The following ITPR3 variants were observed in gnomAD, a reference collection of about 807,000 sequenced individuals.
ITPR3 encodes inositol 1,4,5-trisphosphate-gated calcium channel ITPR3.
A neutral mutation model predicts 293.2 loss-of-function variants in ITPR3; 173 were observed. That is an observed-to-expected ratio of 0.59 (90% CI 0.52 to 0.67). The LOEUF (loss-of-function observed/expected upper bound fraction) is 0.67, where lower values mean the gene tolerates loss of function less well. Among genes scored for constraint, ITPR3 ranks in the 30% least tolerant of loss-of-function variants. The probability of loss-of-function intolerance (pLI) is 0.00; values close to 1 mark genes in which losing one functional copy is unlikely to be tolerated. For missense variants in ITPR3, 2,796 were observed against 3,592.1 expected, an observed-to-expected ratio of 0.78 and a Z score of 5.66; for synonymous variants, 1,295 against 1,444.4, an observed-to-expected ratio of 0.90 and a Z score of 2.35.
rs2127262702 is a variant in ITPR3, at chr6:33,658,843, A to G, written c.528+15A>G. On this transcript the variant is annotated intron_variant, in intron 5 of 57. Coordinates refer to ENST00000605930, the MANE Select transcript of ITPR3 (RefSeq NM_002224.4). This position sits in a 1 kb window ranked among gnomAD's most constrained non-coding sequence, Gnocchi z 6.1. ...ACGGGGACAACGTGAGGGCAGGGCCAGGGTTGGAGGGGCCTGGTGGAACTC... is the reference window on the plus strand; with the variant it reads ...ACGGGGACAACGTGAGGGCAGGGCCGGGGTTGGAGGGGCCTGGTGGAACTC... 6.2e-7 allele frequency: 1 copy of G among 1,613,436 alleles called. No homozygotes were observed. The highest frequency in any genetic ancestry group is 8.5e-7 in the Non-Finnish European group (1 of 1,179,612).
At position 33,666,406 on chromosome 6, in the gene ITPR3, C is replaced by T. The variant is rs1055665264; in HGVS notation, c.1551+430C>T. ...GTTTTGCTGCCTTGGCTTTATGTAG[C>T]TCGGTTCACACATCCGTCTTTCCAT... On this transcript the variant is annotated intron_variant, in intron 14 of 57. Transcript: ENST00000605930. This position sits in a 1 kb window ranked among gnomAD's most constrained non-coding sequence, Gnocchi z 5.1. Among the ~76,000 whole-genome samples the T allele has an allele frequency of 6.6e-6, 1 of 152,040 alleles. No individual in the cohort carries two copies. Among genetic ancestry groups the T allele is most frequent in the African/African-American group, 2.4e-5 (1 of 41,316 alleles).
chr6:33,658,551 C>CT lies in ITPR3; in HGVS notation c.370-118dup. 8.2e-7 allele frequency: 1 copy of CT among 1,213,324 alleles called. No homozygotes were observed. Among genetic ancestry groups the CT allele is most frequent in the Admixed American group, 2.1e-5 (1 of 47,066 alleles). The allele number at this position is 1,213,324 out of a possible 1,614,324, so 75.2% of individuals were successfully genotyped here. On this transcript the variant is annotated intron_variant, in intron 4 of 57. Transcript: ENST00000605930. The surrounding 1 kb of genome is among the most constrained non-coding windows in gnomAD (Gnocchi z 6.1). ...CAGCCTGTATGTTTGTGACAGGTGT[C>CT]TGACACTATGTGTGCAGCCAGAATG...
chr6:33,674,198 C>T lies in ITPR3; in HGVS notation c.3059-10C>T, dbSNP rs778515633. ...CTACAATCTGCTTCCATCTGCCCCT[C>T]TCCCCACAGCTGCCAACATGAACCT... On this transcript the variant is annotated splice_polypyrimidine_tract_variant and intron_variant, in intron 23 of 57. Transcript: ENST00000605930. The T allele has an allele frequency of 1.9e-6, 3 of 1,614,050 alleles. No homozygotes were observed. Among genetic ancestry groups the T allele is most frequent in the Non-Finnish European group, 2.5e-6 (3 of 1,179,968 alleles).
chr6:33,662,035 G>A (rs1167274730), intron 7 of ITPR3, among the ~76,000 whole-genome samples: 1 of 141,566 alleles, frequency 7.1e-6, no homozygotes, highest in African/African-American at 2.7e-5. Flanking sequence ...TCCAAACGTG[G>A]TATCTCTGTC....
rs760282940 is a variant in ITPR3 at position 33,687,289 on chromosome 6, C to T, written c.6139C>T (p.Arg2047Cys). The change falls in exon 45 of 58, where the codon CGT becomes TGT. Residue 2047 changes from arginine to cysteine, a missense_variant. By Grantham distance (180) the Arg-to-Cys change is radical. This residue lies in a region of ITPR3 where 704 missense variants were observed against 797.5 expected (regional missense o/e 0.88). Transcript: ENST00000605930. This position sits in a 1 kb window ranked among gnomAD's most constrained non-coding sequence, Gnocchi z 5.3. ...GCGTGAGAACTCGGAGGTGAGCCCACGTGAAGTGGGCCATAACATCTATAT... is the reference window on the plus strand; with the variant it reads ...GCGTGAGAACTCGGAGGTGAGCCCATGTGAAGTGGGCCATAACATCTATAT... ...EERENSEVSPREVGHNIYILA... is the reference protein window; with the variant it reads ...EERENSEVSPCEVGHNIYILA... The T allele has an allele frequency of 8.7e-6, 14 of 1,613,116 alleles. No individual in the cohort carries two copies. The highest frequency in any genetic ancestry group is 6.7e-5 in the East Asian group (3 of 44,850).
At chr6:33,640,684 C>G in intron 2 of ITPR3, 130 bp downstream of exon 2, 3 of 700,436 alleles carry the variant, frequency 4.3e-6, no homozygotes, top group African/African-American at 1.8e-5. Context: ...AGACCTCACT[C>G]TGCTGTCGGC....
rs989392711 is a variant in ITPR3, at chr6:33,638,824, A to G, written c.90-1660A>G. ...CACTGCCAGGACCAGGTGCCGGAACATGAAGGAGGGAGGCCCACAGGGGCT... is the reference window on the plus strand; with the variant it reads ...CACTGCCAGGACCAGGTGCCGGAACGTGAAGGAGGGAGGCCCACAGGGGCT... On this transcript the variant is annotated intron_variant, in intron 1 of 57. Transcript: ENST00000605930. This position sits in a 1 kb window ranked among gnomAD's most constrained non-coding sequence, Gnocchi z 4.3. 1.3e-5 allele frequency among the ~76,000 whole-genome samples: 2 copies of G among 152,240 alleles called. No individual in the cohort carries two copies. Among genetic ancestry groups the G allele is most frequent in the African/African-American group, 2.4e-5 (1 of 41,468 alleles).
chr6:33,636,919 C>T lies in ITPR3; in HGVS notation c.90-3565C>T, dbSNP rs148351210. ...GAAAAGGAGACAGAGGACCCTCTGC[C>T]GTCCCGTCATTCTGCAGTCCTGCAC... On this transcript the variant is annotated intron_variant, in intron 1 of 57. Transcript: ENST00000605930. 7.9e-3 allele frequency among the ~76,000 whole-genome samples: 1,196 copies of T among 152,268 alleles called. 7 individuals are homozygous for T. Among genetic ancestry groups the T allele is most frequent in the Non-Finnish European group, 0.012 (841 of 68,028 alleles).
Position 33,675,744 on chromosome 6 carries a change from G to C in ITPR3, c.3170G>C (p.Arg1057Pro). The change falls in exon 25 of 58, where the codon CGC becomes CCC. Residue 1057 changes from arginine to proline, a missense_variant. Physicochemically the swap from Arg to Pro is moderately radical, Grantham distance 103 (BLOSUM62 -2). Coordinates refer to ENST00000605930, the MANE Select transcript of ITPR3 (RefSeq NM_002224.4). The surrounding 1 kb of genome is among the most constrained non-coding windows in gnomAD (Gnocchi z 5.0). ...VDDEGGRMFL[R>P]VLIHLTMHDY... ...GACGAGGGCGGCCGCATGTTCCTGC[G>C]CGTGCTCATCCACCTCACCATGCAC... is the stretch of plus-strand genomic sequence containing the variant. 1 of 1,612,994 alleles carries C rather than the reference G, an allele frequency of 6.2e-7. No individual in the cohort carries two copies. Among genetic ancestry groups the C allele is most frequent in the Non-Finnish European group, 8.5e-7 (1 of 1,179,816 alleles).
intron 16 of ITPR3, 75 bp downstream of exon 16, chr6:33,668,039 G>T (rs1764660063): frequency 3.9e-6 from 6 of 1,519,626 alleles, no homozygotes; most frequent in Non-Finnish European, 5.4e-6. Flanking sequence ...TCTGCTGGTT[G>T]TGTGAACTAT....
Position 33,693,550 on chromosome 6 carries a change from G to C in ITPR3, c.7630G>C (p.Glu2544Gln). 6.2e-7 allele frequency: 1 copy of C among 1,614,064 alleles called. No individual in the cohort carries two copies. The highest frequency in any genetic ancestry group is 8.5e-7 in the Non-Finnish European group (1 of 1,179,982). Residue 2544 changes from glutamate (E) to glutamine (Q), a missense_variant, in exon 56 of 58, where the codon GAG becomes CAG. Around this residue, in one of 8 missense-constraint regions of ITPR3, gnomAD observed 568 missense variants for 796.1 expected, o/e 0.71. Transcript: ENST00000605930. ...CCCGCCCTCTGCACCCTCAGGTCTG[G>C]AGAGGGACAAGTTTGATAACAAGAC... ...LKTTCFICGL[E>Q]RDKFDNKTVS...
rs1239934268 is a variant in ITPR3 at position 33,690,913 on chromosome 6, G to A, written c.7033-4G>A. On this transcript the variant is annotated splice_polypyrimidine_tract_variant and splice_region_variant and intron_variant, in intron 51 of 57. Coordinates refer to ENST00000605930, the MANE Select transcript of ITPR3 (RefSeq NM_002224.4). ...GCCATCCCTATCTCAACCCCATCCT[G>A]CAGCTCTTTGACCTCATCTACCGCG... is the stretch of plus-strand genomic sequence containing the variant. The A allele has an allele frequency of 6.2e-7, 1 of 1,613,506 alleles. No homozygotes were observed. The highest frequency in any genetic ancestry group is 8.5e-7 in the Non-Finnish European group (1 of 1,179,592).
intron 2 of ITPR3, among the ~76,000 whole-genome samples, chr6:33,652,371 C>T (rs1394259031): frequency 6.6e-6 from 1 of 152,188 alleles, no homozygotes; most frequent in East Asian, 1.9e-4. Flanking sequence ...CTTAACCAGG[C>T]CCTGCCAGCC....
chr6:33,650,774 G>A (rs1302357148), intron 2 of ITPR3, among the ~76,000 whole-genome samples: 4 of 148,274 alleles, frequency 2.7e-5, no homozygotes, highest in Non-Finnish European at 4.5e-5. Context: ...ATCGTTTTCT[G>A]TTCTCTGCAG....
chr6:33,641,203 T>C (rs1763942601), intron 2 of ITPR3, among the ~76,000 whole-genome samples: 1 of 152,222 alleles, frequency 6.6e-6, no homozygotes. Flanking sequence ...ATATCCTGGC[T>C]GTCATTATGC....
At position 33,690,958 on chromosome 6, in the gene ITPR3, CATCAAGAGTGTGACCCGCAA is replaced by C. The variant is rs1375229311; in HGVS notation, c.7075_7094del (p.Ile2359TrpfsTer29). On this transcript the variant is annotated frameshift_variant, in exon 52 of 58. Transcript: ENST00000605930. LOFTEE classifies it high-confidence loss of function. ...ACCGCGAGGAGACGCTGTTCAACGT[CATCAAGAGTGTGACCCGCAA>C]TGGCCGCTCCATCCTGCTGACAGCC... The C allele has an allele frequency of 3.7e-6, 6 of 1,614,224 alleles. No individual in the cohort carries two copies. The highest frequency in any genetic ancestry group is 5.1e-6 in the Non-Finnish European group (6 of 1,180,036).
rs375990753 is a variant in ITPR3 at position 33,667,297 on chromosome 6, C to T, written c.1713+7C>T. 3.0e-4 allele frequency: 483 copies of T among 1,610,552 alleles called. 1 individual carries two copies. Among genetic ancestry groups the T allele is most frequent in the Admixed American group, 2.9e-3 (176 of 59,858 alleles). On this transcript the variant is annotated splice_region_variant and intron_variant, in intron 15 of 57. Transcript: ENST00000605930. This position sits in a 1 kb window ranked among gnomAD's most constrained non-coding sequence, Gnocchi z 4.4. Reference sequence around the variant, plus strand: ...GGACTACCGCAAGAACCAGGTGCGCCGCTGCCCTGCTGGCCCACTCGCTGG... The same window carrying T: ...GGACTACCGCAAGAACCAGGTGCGCTGCTGCCCTGCTGGCCCACTCGCTGG...
At chr6:33,663,356 C>G (rs974768468) in intron 9 of ITPR3, 144 bp from the exon 10 acceptor site, 1 of 764,426 alleles carries the variant, frequency 1.3e-6, no homozygotes, top group Admixed American at 2.1e-5. Flanking sequence ...GAAGGGCTCC[C>G]CTGGAATGAT....
rs35118351 is a variant in ITPR3, at chr6:33,691,238, TG to T, written c.7225+133del. On this transcript the variant is annotated intron_variant, in intron 52 of 57. Coordinates refer to ENST00000605930, the MANE Select transcript of ITPR3 (RefSeq NM_002224.4). The surrounding 1 kb of genome is among the most constrained non-coding windows in gnomAD (Gnocchi z 4.9). ...CCCGTCTGCTTCTCCTCTTGGCTTC[TG>T]GGGACGTCTAGCTAACACCAGTCTG... is the stretch of plus-strand genomic sequence containing the variant. 4 of 862,978 alleles carry T rather than the reference TG, an allele frequency of 4.6e-6. No individual in the cohort carries two copies. The African/African-American group carries it at 6.7e-5, about 15-fold the overall frequency. 53.5% of individuals were successfully genotyped at this position (862,978 alleles called of 1,614,324 possible).
Sources: allele counts gnomAD v4.1 joint callset (sites outside exome capture counted in the v4.1 genomes callset), GRCh38; gene constraint gnomAD v4.1.1; regional missense constraint gnomAD v4.1.1; non-coding constraint Gnocchi (gnomAD v3.1); transcripts MANE v1.5; gene names NCBI Gene and HGNC (gene_info 2026-07-23, HGNC 2026-07-21).